The following PRPF18 variants were observed in gnomAD, a reference collection of about 807,000 sequenced individuals.
The protein encoded by PRPF18 is pre-mRNA processing factor 18.
A neutral mutation model predicts 46.5 loss-of-function variants in PRPF18; 38 were observed. That is an observed-to-expected ratio of 0.82 (90% CI 0.63 to 1.07). The LOEUF is 1.07. Among genes scored for constraint, PRPF18 ranks in the 50% least tolerant of loss-of-function variants. The pLI is 0.00. For synonymous variants in PRPF18, 152 were observed against 146.7 expected, an observed-to-expected ratio of 1.04 and a Z score of -0.26; for missense variants, 263 against 410.0, an observed-to-expected ratio of 0.64 and a Z score of 3.10.
At chr10:13,604,907 G>A (rs2080162844) in intron 3 of PRPF18, among the ~76,000 whole-genome samples, 1 of 152,162 alleles carries the variant, frequency 6.6e-6, no homozygotes, top group African/African-American at 2.4e-5. Context: ...TTATAATTAT[G>A]TAAAATGAGG....
chr10:13,590,085 C>T (rs1208271005), intron 1 of PRPF18, among the ~76,000 whole-genome samples: 2 of 150,584 alleles, frequency 1.3e-5, no homozygotes, highest in East Asian at 2.0e-4. Context: ...TCATGTTCTT[C>T]GTCATTGAAA....
In PRPF18 at chr10:13,594,644, A is replaced by C. The variant is rs199841835; in HGVS notation, c.67-2814A>C. On this transcript the variant is annotated intron_variant, in intron 1 of 9. Transcript: ENST00000378572. ...GACATTTTTGATTAGATAATATTAA[A>C]AAATCTCATTAATATCACCACTGAT... Among the ~76,000 whole-genome samples the C allele has an allele frequency of 1.2e-4, 19 of 152,354 alleles. 1 individual carries two copies. The East Asian group carries it at 3.7e-3, about 29-fold the overall frequency.
intron 2 of PRPF18, 91 bp downstream of exon 2, chr10:13,597,626 A>G: frequency 1.9e-6 from 3 of 1,605,022 alleles, no homozygotes; most frequent in African/African-American, 1.3e-5. Context: ...TCTCTGTTCA[A>G]TTTATCAATA....
At chr10:13,624,427 A>G (rs1301738650) in intron 9 of PRPF18, among the ~76,000 whole-genome samples, 1 of 152,246 alleles carries the variant, frequency 6.6e-6, no homozygotes, top group Non-Finnish European at 1.5e-5. Context: ...GACACGGAGG[A>G]TATTAGGCAC....
At position 13,597,510 on chromosome 10, in the gene PRPF18, C is replaced by G. The variant is rs548408215; in HGVS notation, c.119C>G (p.Ala40Gly). Reference protein sequence around the residue: ...RSELAKKEEEAYFERCGYKIQ... With the variant: ...RSELAKKEEEGYFERCGYKIQ... ...GAGCTCGCCAAAAAAGAAGAGGAAG[C>G]ATATTTTGAAAGATGTGGCTACAAG... The change falls in exon 2 of 10, where the codon GCA becomes GGA. Residue 40 changes from alanine (A) to glycine (G), a missense_variant. Ala to Gly is a moderately conservative substitution (Grantham distance 60, BLOSUM62 0). Around this residue, in one of 4 missense-constraint regions of PRPF18, gnomAD observed 71 missense variants for 69.2 expected, o/e 1.03. Transcript: ENST00000378572. 3 of 1,610,182 alleles carry G rather than the reference C, an allele frequency of 1.9e-6. No individual in the cohort carries two copies. The highest frequency in any genetic ancestry group is 4.5e-5 in the East Asian group (2 of 44,766).
intron 7 of PRPF18, 30 bp downstream of exon 7, chr10:13,613,911 A>G (rs1197772320): frequency 1.3e-6 from 2 of 1,595,086 alleles, no homozygotes; most frequent in East Asian, 2.2e-5. Context: ...ACTTTTTTTA[A>G]CTGACTTTAA....
the PRPF18 span, chr10:13,643,148 G>A: frequency 6.6e-6 from 1 of 152,278 alleles, no homozygotes; most frequent in Admixed American, 6.5e-5. Flanking sequence ...TAGAGAGTCA[G>A]TGGCAGGGTT....
chr10:13,591,651 G>A lies in PRPF18; in HGVS notation c.66+4499G>A, dbSNP rs1291495076. The A allele has an allele frequency of 6.5e-6, 4 of 615,582 alleles. No homozygotes were observed. The South Asian group carries it at 7.0e-5, about 11-fold the overall frequency. The allele number at this position is 615,582 out of a possible 1,614,324, so 38.1% of individuals were successfully genotyped here. A position where few individuals can be genotyped will look rare whatever the true frequency, so the allele number is the denominator to read the frequency against. On this transcript the variant is annotated intron_variant, in intron 1 of 9. Coordinates refer to ENST00000378572, the MANE Select transcript of PRPF18 (RefSeq NM_003675.4). ...AAGATCTCAGCTTCCTGGTGTCTGG[G>A]CTTCTGCAGCTGCTGCTGCTTGAAT... is the stretch of plus-strand genomic sequence containing the variant.
chr10:13,619,007 C>A (rs893320746), intron 9 of PRPF18, among the ~76,000 whole-genome samples: 1 of 152,196 alleles, frequency 6.6e-6, no homozygotes, highest in African/African-American at 2.4e-5. Context: ...CAGGATGAAA[C>A]TGTTCCACCT....
At chr10:13,633,647 A>G (rs1303804741), downstream of PRPF18, among the ~76,000 whole-genome samples, 3 of 152,122 alleles carry the variant, frequency 2.0e-5, no homozygotes, top group East Asian at 1.9e-4. Context: ...GGCAGTTTCA[A>G]TGAAAGGGAG....
In PRPF18 at chr10:13,605,579, CAAAAAAAA is replaced by C. The variant is rs34754785; in HGVS notation, c.250-36_250-29del. 17 of 1,115,680 alleles carry C rather than the reference CAAAAAAAA, an allele frequency of 1.5e-5. No individual in the cohort carries two copies. In the African/African-American group the frequency reaches 2.7e-4, roughly 18 times the overall value. The allele number at this position is 1,115,680 out of a possible 1,614,324, so 69.1% of individuals were successfully genotyped here. A position where few individuals can be genotyped will look rare whatever the true frequency, so the allele number is the denominator to read the frequency against. ...CCTGGGCAACAGAGTGAGACTGTCTCAAAAAAAAAAAAAAAAAAAAAAATTTACTGGGT... is the reference window on the plus strand; with the variant it reads ...CCTGGGCAACAGAGTGAGACTGTCTCAAAAAAAAAAAAAAATTTACTGGGT... On this transcript the variant is annotated intron_variant, in intron 3 of 9. Coordinates refer to ENST00000378572, the MANE Select transcript of PRPF18 (RefSeq NM_003675.4).
In PRPF18 at chr10:13,587,058, G is replaced by T. The variant is rs982788170; in HGVS notation, c.-29G>T. 6.2e-7 allele frequency: 1 copy of T among 1,611,630 alleles called. No homozygotes were observed. The highest frequency in any genetic ancestry group is 1.3e-5 in the African/African-American group (1 of 75,000). On this transcript the variant is annotated 5_prime_UTR_variant, in exon 1 of 10. Transcript: ENST00000378572. Reference sequence around the variant, plus strand: ...GGCTGGGTTCGAGGAGCTGGAGCGGGAAACTGGAGCTTAAATTCTGGCGGC... The same window carrying T: ...GGCTGGGTTCGAGGAGCTGGAGCGGTAAACTGGAGCTTAAATTCTGGCGGC...
At chr10:13,594,176 A>G (rs2080002366) in intron 1 of PRPF18, among the ~76,000 whole-genome samples, 1 of 152,242 alleles carries the variant, frequency 6.6e-6, no homozygotes, top group African/African-American at 2.4e-5. Flanking sequence ...AAATGCAATA[A>G]TAAACCCATA....
the PRPF18 span, among the ~76,000 whole-genome samples, chr10:13,652,675 G>A: frequency 2.6e-5 from 4 of 152,190 alleles, no homozygotes; most frequent in Non-Finnish European, 5.9e-5. Context: ...GCAGACACAG[G>A]AACACCGAGC....
At chr10:13,654,358 G>A in the PRPF18 span, 1 of 1,085,146 alleles carries the variant, frequency 9.2e-7, no homozygotes, top group African/African-American at 1.6e-5. Context: ...ACCAGGATCT[G>A]AACGTCTATG....
intron 1 of PRPF18, 24 bp from the exon 2 acceptor site, chr10:13,597,434 G>A (rs2080051560): frequency 6.6e-7 from 1 of 1,504,730 alleles, no homozygotes; most frequent in South Asian, 1.2e-5. Context: ...ATATATTATT[G>A]ACATAATTTA....
At chr10:13,632,612 A>T (rs2080600371), downstream of PRPF18, 1 of 152,142 alleles carries the variant, frequency 6.6e-6, no homozygotes, top group Non-Finnish European at 1.5e-5. Context: ...TACCTCCTAA[A>T]ATTGGTCAGT....
downstream of PRPF18, chr10:13,632,545 T>G (rs1334118255): frequency 6.6e-6 from 1 of 152,236 alleles, no homozygotes; most frequent in East Asian, 1.9e-4. Context: ...TTTCTTGTTG[T>G]CTTCTGTTTT....
In PRPF18 at chr10:13,610,202, G is replaced by C; in HGVS notation, c.510+17G>C. 1 of 1,608,720 alleles carries C rather than the reference G, an allele frequency of 6.2e-7. No individual in the cohort carries two copies. The highest frequency in any genetic ancestry group is 8.5e-7 in the Non-Finnish European group (1 of 1,176,174). On this transcript the variant is annotated intron_variant, in intron 5 of 9. Transcript: ENST00000378572. ...GAGTTAGAGGTAATCTCTACACCAAGCCCAGCACATCCCTGGCACCCTTCT... is the reference window on the plus strand; with the variant it reads ...GAGTTAGAGGTAATCTCTACACCAACCCCAGCACATCCCTGGCACCCTTCT...
Sources: gnomAD v4.1 joint callset for allele counts (sites outside exome capture counted in the v4.1 genomes callset) on GRCh38, gnomAD v4.1.1 for gene constraint, gnomAD v4.1.1 regional missense constraint, MANE v1.5 for transcripts, NCBI Gene and HGNC (gene_info 2026-07-23, HGNC 2026-07-21) for gene names.